The following PATJ variants were observed in gnomAD, a reference collection of about 807,000 sequenced individuals.
PATJ encodes inaD-like protein.
In PATJ, 190 loss-of-function variants were observed where a neutral mutation model predicts 224.9. The observed-to-expected ratio is 0.84, with a 90% CI of 0.75 to 0.95. PATJ has a LOEUF of 0.95. PATJ is among the 40% of genes least tolerant of loss of function. PATJ has a pLI of 0.00. For missense variants in PATJ, 2,121 were observed against 2,270.3 expected, an observed-to-expected ratio of 0.93 and a Z score of 1.34; for synonymous variants, 769 against 820.3, an observed-to-expected ratio of 0.94 and a Z score of 1.07.
At chr1:61,932,766 G>A (rs1194173903) in intron 27 of PATJ, among the ~76,000 whole-genome samples, 1 of 152,118 alleles carries the variant, frequency 6.6e-6, no homozygotes, top group African/African-American at 2.4e-5. Flanking sequence ...TGGGTGTGGT[G>A]TTGCACACCT....
At position 61,875,331 on chromosome 1, in the gene PATJ, A is replaced by G. The variant is rs559712222; in HGVS notation, c.2924A>G (p.Asn975Ser). Residue 975 changes from asparagine to serine, a missense_variant, in exon 21 of 44, where the codon AAT becomes AGT. Coordinates refer to ENST00000642238, the MANE Select transcript of PATJ (RefSeq NM_001350145.3). ...SQQGRFDDLE[N>S]LNSLAKTSLD... ...CAAGGCAGATTTGACGACCTGGAAA[A>G]TCTTAATTCATTAGCAAAAACTAGT... 62 of 1,612,026 alleles carry G rather than the reference A, an allele frequency of 3.8e-5. 1 individual carries two copies. The East Asian group carries it at 9.8e-4, about 26-fold the overall frequency.
intron 14 of PATJ, among the ~76,000 whole-genome samples, chr1:61,818,974 G>T (rs1462267243): frequency 6.6e-6 from 1 of 152,228 alleles, no homozygotes. Context: ...TGTGTGTACA[G>T]TGGGATCTTT....
intron 31 of PATJ, chr1:62,072,747 A>AT (rs1657650178): frequency 2.6e-5 from 1 of 39,160 alleles, no homozygotes; most frequent in Non-Finnish European, 9.3e-5. Flanking sequence ...TCTTTTATTT[A>AT]AAAAAAAAAA....
At chr1:62,035,873 A>G (rs941139424) in intron 29 of PATJ, among the ~76,000 whole-genome samples, 2 of 152,124 alleles carry the variant, frequency 1.3e-5, no homozygotes, top group Non-Finnish European at 2.9e-5. Context: ...GTTTTAGGAA[A>G]TGACGTTTAT....
At chr1:61,803,525 C>A (rs1286829) in intron 12 of PATJ, among the ~76,000 whole-genome samples, 150,265 of 152,312 alleles carry the variant, frequency 0.99, 74,151 homozygotes, top group Middle Eastern at 1. Flanking sequence ...AAACGAAAAC[C>A]GGTAAAGACA....
intron 27 of PATJ, among the ~76,000 whole-genome samples, chr1:61,951,031 C>A (rs1176295898): frequency 6.6e-6 from 1 of 152,074 alleles, no homozygotes; most frequent in Non-Finnish European, 1.5e-5. Context: ...CCTGTAATCC[C>A]AGCTACTCGG....
chr1:62,124,685 C>T (rs962365454), intron 39 of PATJ, among the ~76,000 whole-genome samples: 1 of 152,074 alleles, frequency 6.6e-6, no homozygotes, highest in Non-Finnish European at 1.5e-5. Context: ...TTCCTGAGGC[C>T]CCCCTCCTTG....
intron 7 of PATJ, among the ~76,000 whole-genome samples, chr1:61,777,594 T>A (rs1646985153): frequency 6.6e-6 from 1 of 152,056 alleles, no homozygotes; most frequent in African/African-American, 2.4e-5. Context: ...TGATTGATAT[T>A]AACCAATATG....
At chr1:61,997,824 T>A (rs549412176) in intron 28 of PATJ, among the ~76,000 whole-genome samples, 11 of 85,522 alleles carry the variant, frequency 1.3e-4, no homozygotes, top group African/African-American at 2.5e-4. Flanking sequence ...TGTTTTGTTT[T>A]AAAAAAAAAA....
At chr1:61,952,459 T>C (rs1416852259) in intron 27 of PATJ, 2 of 716,908 alleles carry the variant, frequency 2.8e-6, no homozygotes, top group African/African-American at 3.5e-5. Context: ...CGGAATGCAA[T>C]CTGATGCTGT....
chr1:61,863,208 A>G (rs1664909677), intron 19 of PATJ, among the ~76,000 whole-genome samples: 1 of 151,334 alleles, frequency 6.6e-6, no homozygotes, highest in African/African-American at 2.4e-5. Flanking sequence ...CTAATTTTTA[A>G]ATTTTTTTGT....
At chr1:61,930,403 G>C (rs574056912) in intron 27 of PATJ, among the ~76,000 whole-genome samples, 69 of 152,294 alleles carry the variant, frequency 4.5e-4, no homozygotes, top group African/African-American at 1.4e-3. Context: ...TCGGGTTGCT[G>C]TTTTATCAGA....
chr1:61,853,948 G>T (rs996970262), intron 17 of PATJ, among the ~76,000 whole-genome samples: 2 of 152,102 alleles, frequency 1.3e-5, no homozygotes, highest in Non-Finnish European at 2.9e-5. Flanking sequence ...GAAAGGCAGG[G>T]TTAGTTGCAA....
At chr1:61,825,502 C>CAT (rs1557712312) in intron 15 of PATJ, among the ~76,000 whole-genome samples, 2 of 150,302 alleles carry the variant, frequency 1.3e-5, no homozygotes, top group African/African-American at 2.4e-5. Context: ...CTCAAAGTGT[C>CAT]GTGTGTGTGT....
At position 61,808,527 on chromosome 1, in the gene PATJ, A is replaced by G. The variant is rs766885362; in HGVS notation, c.1680A>G (p.Ser560=). 5 of 1,595,032 alleles carry G rather than the reference A, an allele frequency of 3.1e-6. No individual in the cohort carries two copies. The highest frequency in any genetic ancestry group is 4.5e-5 in the East Asian group (2 of 44,760). Reference sequence around the variant, plus strand: ...ATGATGCTGAGTTACAGAAATATTCAAAGGTAAGCATTTTTTATAACAAAG... The same window carrying G: ...ATGATGCTGAGTTACAGAAATATTCGAAGGTAAGCATTTTTTATAACAAAG... ...IADDAELQKY[S]KLLPIHTLRL... Residue 560 remains serine (S), a synonymous_variant, in exon 14 of 44, where the codon TCA becomes TCG. Transcript: ENST00000642238.
At chr1:62,048,080 G>A (rs983366181) in intron 30 of PATJ, among the ~76,000 whole-genome samples, 17 of 152,174 alleles carry the variant, frequency 1.1e-4, no homozygotes, top group African/African-American at 3.6e-4. Context: ...ACTGCCTGGA[G>A]TTGTTTAGCA....
chr1:61,806,395 G>T (rs111834401), intron 13 of PATJ, among the ~76,000 whole-genome samples: 1 of 152,130 alleles, frequency 6.6e-6, no homozygotes, highest in African/African-American at 2.4e-5. Flanking sequence ...CGAGGCGGGC[G>T]GATCACGAGG....
intron 33 of PATJ, chr1:62,100,509 A>C (rs961157401): frequency 1.6e-6 from 1 of 639,608 alleles, no homozygotes; most frequent in Non-Finnish European, 2.9e-6. Flanking sequence ...CAGAGCCCTC[A>C]TTACCCAATC....
At chr1:61,790,702 C>T (rs1018418323) in intron 8 of PATJ, among the ~76,000 whole-genome samples, 2 of 151,658 alleles carry the variant, frequency 1.3e-5, no homozygotes, top group Non-Finnish European at 2.9e-5. Flanking sequence ...TTAGTAGAGA[C>T]GGGGTTTCAT....
Sources: allele counts gnomAD v4.1 joint callset (sites outside exome capture counted in the v4.1 genomes callset), GRCh38; gene constraint gnomAD v4.1.1; transcripts MANE v1.5; gene names NCBI Gene and HGNC (gene_info 2026-07-23, HGNC 2026-07-21).